DCAF10: variants seen among roughly 807,000 people sequenced by gnomAD.
The protein encoded by DCAF10 is DDB1 and CUL4 associated factor 10.
In DCAF10, 19 loss-of-function variants were observed where a neutral mutation model predicts 51.9. The observed-to-expected ratio is 0.37, with a 90% CI of 0.26 to 0.54. The LOEUF (loss-of-function observed/expected upper bound fraction) is 0.54. Ranked by LOEUF, DCAF10 falls within the 20% of genes least tolerant of loss-of-function variation. The pLI, the probability that DCAF10 is intolerant of heterozygous loss-of-function variation, is 0.87. For synonymous variants in DCAF10, 291 were observed against 297.1 expected (o/e 0.98, Z 0.21); for missense variants, 510 against 730.6 (o/e 0.70, Z 3.48).
chr9:37,861,116 T>G lies in DCAF10; in HGVS notation c.1312-24T>G, dbSNP rs374875555. On this transcript the variant is annotated intron_variant, in intron 6 of 6. Transcript: ENST00000377724. This position sits in a 1 kb window ranked among gnomAD's most constrained non-coding sequence, Gnocchi z 4.9. ...CACTATTTGGGCTCTGTAACCTTGGTTTGTCTCCCTTCTCTCCCCCTAGTG... is the reference window on the plus strand; with the variant it reads ...CACTATTTGGGCTCTGTAACCTTGGGTTGTCTCCCTTCTCTCCCCCTAGTG... The G allele has an allele frequency of 1.1e-5, 18 of 1,582,390 alleles. No individual in the cohort carries two copies. The African/African-American group carries it at 2.2e-4, about 19-fold the overall frequency.
intron 1 of DCAF10, among the ~76,000 whole-genome samples, chr9:37,814,115 TATATATATA>T (rs1474348530): frequency 3.4e-5 from 3 of 89,262 alleles, no homozygotes; most frequent in African/African-American, 1.3e-4. Context: ...TATATATATA[TATATATATA>T]TATTTGTTGT....
At chr9:37,853,590 T>A (rs1457723987) in intron 3 of DCAF10, among the ~76,000 whole-genome samples, 9 of 152,022 alleles carry the variant, frequency 5.9e-5, no homozygotes, top group Non-Finnish European at 1.0e-4. Context: ...TTTACAACTT[T>A]TTCTTCTGGT....
intron 2 of DCAF10, among the ~76,000 whole-genome samples, chr9:37,830,269 G>C (rs1051614507): frequency 3.9e-5 from 6 of 152,162 alleles, no homozygotes; most frequent in African/African-American, 1.4e-4. Context: ...AATGTAGAAT[G>C]AGCTTTATAT....
Position 37,861,157 on chromosome 9 carries a change from A to G in DCAF10, c.1329A>G (p.Glu443=). The change falls in exon 7 of 7, where the codon GAA becomes GAG. Residue 443 remains glutamate, a synonymous_variant. Transcript: ENST00000377724. The surrounding 1 kb of genome is among the most constrained non-coding windows in gnomAD (Gnocchi z 4.9). ...CCCCCTAGTGTACTTGTGTCTATGA[A>G]TTCCAAGAAGGAGCTCCAGTGCGAC... ...SDDEECTCVY[E]FQEGAPVRPV... 6.2e-7 allele frequency: 1 copy of G among 1,601,690 alleles called. No homozygotes were observed. Among genetic ancestry groups the G allele is most frequent in the Non-Finnish European group, 8.6e-7 (1 of 1,169,516 alleles).
intron 2 of DCAF10, among the ~76,000 whole-genome samples, chr9:37,838,315 G>C (rs1830233131): frequency 6.6e-6 from 1 of 151,962 alleles, no homozygotes; most frequent in African/African-American, 2.4e-5. Context: ...TTAGGAGAAA[G>C]TTTTTTTAAA....
chr9:37,836,119 A>T, intron 2 of DCAF10: 2 of 1,313,262 alleles, frequency 1.5e-6, no homozygotes, highest in Non-Finnish European at 2.2e-6. Flanking sequence ...ATTAAAGTAC[A>T]CGAACCTCCA....
At chr9:37,827,103 G>A (rs956977103) in intron 2 of DCAF10, among the ~76,000 whole-genome samples, 2 of 152,182 alleles carry the variant, frequency 1.3e-5, no homozygotes, top group Non-Finnish European at 1.5e-5. Flanking sequence ...TGGGATTACA[G>A]AGGTGAGCCA....
chr9:37,801,130 G>A lies in DCAF10; in HGVS notation c.264G>A (p.Pro88=), dbSNP rs1315655016. The A allele has an allele frequency of 2.6e-6, 4 of 1,537,002 alleles. No homozygotes were observed. The highest frequency in any genetic ancestry group is 5.1e-5 in the East Asian group (2 of 39,008). ...CAACTGCCTCCGCCCCGGGAGAGCC[G>A]TCACCTCCCTCCCCTCCGTGCCGGC... ...ESSTASAPGE[P]SPPSPPCRRP... Residue 88 remains proline (P), a synonymous_variant, in exon 1 of 7, where the codon CCG becomes CCA. Coordinates refer to ENST00000377724, the MANE Select transcript of DCAF10 (RefSeq NM_024345.5). The surrounding 1 kb of genome is among the most constrained non-coding windows in gnomAD (Gnocchi z 5.5).
chr9:37,864,507 C>T lies in DCAF10; in HGVS notation c.*2999C>T, dbSNP rs1273987205. Reference sequence around the variant, plus strand: ...GCTGAGGCAGGAGACTCGCATGAACCTGGGAGGCAGAGGTTGCAGTGAGCC... The same window carrying T: ...GCTGAGGCAGGAGACTCGCATGAACTTGGGAGGCAGAGGTTGCAGTGAGCC... On this transcript the variant is annotated 3_prime_UTR_variant, in exon 7 of 7. Coordinates refer to ENST00000377724, the MANE Select transcript of DCAF10 (RefSeq NM_024345.5). 2 of 151,424 alleles carry T rather than the reference C, an allele frequency of 1.3e-5. No individual in the cohort carries two copies. The highest frequency in any genetic ancestry group is 4.9e-5 in the African/African-American group (2 of 40,986). 9.4% of individuals were successfully genotyped at this position (151,424 alleles called of 1,614,324 possible).
At chr9:37,850,938 C>A (rs1362702940) in intron 3 of DCAF10, among the ~76,000 whole-genome samples, 1 of 142,496 alleles carries the variant, frequency 7.0e-6, no homozygotes, top group East Asian at 2.2e-4. Context: ...ATCATGTACA[C>A]CATTAAAAAA....
At chr9:37,843,502 T>C (rs914049539) in intron 3 of DCAF10, among the ~76,000 whole-genome samples, 3 of 152,106 alleles carry the variant, frequency 2.0e-5, no homozygotes, top group African/African-American at 7.2e-5. Flanking sequence ...AATAGAAATA[T>C]AAATGTAACT....
At position 37,861,559 on chromosome 9, in the gene DCAF10, G is replaced by A. The variant is rs749423641; in HGVS notation, c.*51G>A. 9 of 1,546,330 alleles carry A rather than the reference G, an allele frequency of 5.8e-6. No homozygotes were observed. In the South Asian group the frequency reaches 9.9e-5, roughly 17 times the overall value. ...TCTTCTGGTGTTTGACTTAGGAATT[G>A]CTTCAATTTAGATGAAGTATTTTCT... On this transcript the variant is annotated 3_prime_UTR_variant, in exon 7 of 7. Transcript: ENST00000377724. This position sits in a 1 kb window ranked among gnomAD's most constrained non-coding sequence, Gnocchi z 4.9.
At chr9:37,827,725 G>C (rs1486892915) in intron 2 of DCAF10, among the ~76,000 whole-genome samples, 1 of 152,146 alleles carries the variant, frequency 6.6e-6, no homozygotes, top group Non-Finnish European at 1.5e-5. Context: ...GGGAACAAGA[G>C]AGATAATTCT....
At chr9:37,849,172 G>A (rs549025056) in intron 3 of DCAF10, among the ~76,000 whole-genome samples, 6 of 152,160 alleles carry the variant, frequency 3.9e-5, no homozygotes, top group Non-Finnish European at 5.9e-5. Context: ...TGGAAGGAGA[G>A]CTTGCTCACT....
intron 1 of DCAF10, among the ~76,000 whole-genome samples, chr9:37,813,590 A>G (rs1439069757): frequency 2.6e-5 from 4 of 152,226 alleles, no homozygotes; most frequent in African/African-American, 9.6e-5. Context: ...AGGATACACA[A>G]AGTTTTAAAG....
intron 4 of DCAF10, 104 bp downstream of exon 4, chr9:37,855,086 G>A (rs7040851): frequency 0.16 from 179,650 of 1,128,792 alleles, 16,036 homozygotes; most frequent in African/African-American, 0.3. Context: ...AGGGAAGACA[G>A]TTTTTTAAAA....
chr9:37,837,755 C>T (rs1228643713), intron 2 of DCAF10, among the ~76,000 whole-genome samples: 2 of 151,870 alleles, frequency 1.3e-5, no homozygotes, highest in Non-Finnish European at 2.9e-5. Context: ...TATGACTTCT[C>T]AGTTTTTCCC....
At chr9:37,825,659 C>T (rs995744302) in intron 2 of DCAF10, among the ~76,000 whole-genome samples, 4 of 152,058 alleles carry the variant, frequency 2.6e-5, no homozygotes, top group South Asian at 2.1e-4. Flanking sequence ...ATAATCTGTA[C>T]GGCAAACCTC....
At chr9:37,815,586 A>C (rs1829500461) in intron 1 of DCAF10, among the ~76,000 whole-genome samples, 1 of 152,164 alleles carries the variant, frequency 6.6e-6, no homozygotes, top group Non-Finnish European at 1.5e-5. Context: ...CGGAGGTTGC[A>C]GTGAGCTGAG....
Sources: gnomAD v4.1 joint callset for allele counts (sites outside exome capture counted in the v4.1 genomes callset) on GRCh38, gnomAD v4.1.1 for gene constraint, Gnocchi (gnomAD v3.1) non-coding constraint, MANE v1.5 for transcripts, NCBI Gene and HGNC (gene_info 2026-07-23, HGNC 2026-07-21) for gene names.